PDE1C: variants seen among roughly 807,000 people sequenced by gnomAD.
PDE1C encodes phosphodiesterase 1C.
PDE1C carries 62 observed loss-of-function variants against 93.1 expected under a neutral mutation model. The observed-to-expected ratio is 0.67, with a 90% confidence interval of 0.54 to 0.82. The LOEUF is 0.82. Among genes scored for constraint, PDE1C ranks in the 40% least tolerant of loss-of-function variants. PDE1C has a pLI of 0.00. For synonymous variants in PDE1C, 325 were observed against 310.1 expected (o/e 1.05, Z -0.50); for missense variants, 742 against 884.6 (o/e 0.84, Z 2.04).
chr7:31,676,271 T>C, the PDE1C span, among the ~76,000 whole-genome samples: 1 of 151,984 alleles, frequency 6.6e-6, no homozygotes, highest in African/African-American at 2.4e-5. Flanking sequence ...ACATTTTCTT[T>C]ACAAGGACAC....
chr7:32,283,859 C>T (rs1429876988), intron 1 of PDE1C, among the ~76,000 whole-genome samples: 1 of 152,212 alleles, frequency 6.6e-6, no homozygotes, highest in Admixed American at 6.5e-5. Flanking sequence ...TACCGCAGAA[C>T]TCCAATGCCT....
chr7:31,831,125 G>T (rs1445999109), intron 11 of PDE1C, among the ~76,000 whole-genome samples: 1 of 152,158 alleles, frequency 6.6e-6, no homozygotes. Context: ...GCAAATGTTT[G>T]GGAATGCAAC....
chr7:32,241,165 T>A (rs770032066), intron 1 of PDE1C, among the ~76,000 whole-genome samples: 6 of 152,206 alleles, frequency 3.9e-5, no homozygotes, highest in Non-Finnish European at 5.9e-5. Flanking sequence ...ATTAGATACA[T>A]GAGCCTGGAG....
chr7:31,816,893 C>T (rs1169522458), intron 14 of PDE1C, among the ~76,000 whole-genome samples: 2 of 152,072 alleles, frequency 1.3e-5, no homozygotes, highest in Non-Finnish European at 2.9e-5. Flanking sequence ...TATTTCTAAT[C>T]CAGTTGATTA....
At chr7:32,365,690 G>A (rs1376945180) in intron 1 of PDE1C, among the ~76,000 whole-genome samples, 2 of 151,878 alleles carry the variant, frequency 1.3e-5, no homozygotes, top group South Asian at 2.1e-4. Context: ...CTGTAGCCCC[G>A]ACCCCAGCCT....
At chr7:31,723,738 T>C in the PDE1C span, among the ~76,000 whole-genome samples, 1 of 152,200 alleles carries the variant, frequency 6.6e-6, no homozygotes, top group South Asian at 2.1e-4. Flanking sequence ...TAAGAAATTA[T>C]TCATATCGGA....
At chr7:32,105,586 A>C (rs1798257944) in intron 3 of PDE1C, among the ~76,000 whole-genome samples, 1 of 152,144 alleles carries the variant, frequency 6.6e-6, no homozygotes, top group Non-Finnish European at 1.5e-5. Flanking sequence ...AGCTCCCAGA[A>C]TGTTGGCAGA....
chr7:32,348,801 A>T (rs1240640938), intron 1 of PDE1C, among the ~76,000 whole-genome samples: 1 of 152,106 alleles, frequency 6.6e-6, no homozygotes, highest in Non-Finnish European at 1.5e-5. Context: ...CTATTCCAGA[A>T]CTTTGCATGG....
At chr7:32,388,768 A>C (rs1355922837) in intron 1 of PDE1C, among the ~76,000 whole-genome samples, 1 of 151,230 alleles carries the variant, frequency 6.6e-6, no homozygotes, top group Non-Finnish European at 1.5e-5. Flanking sequence ...CTACAGTGTG[A>C]GCAAACAGTA....
At chr7:32,296,355 C>A (rs1317021338) in intron 1 of PDE1C, among the ~76,000 whole-genome samples, 1 of 152,236 alleles carries the variant, frequency 6.6e-6, no homozygotes, top group Non-Finnish European at 1.5e-5. Flanking sequence ...ATAAACTCCC[C>A]ATGATATTAG....
chr7:32,178,435 C>A (rs1195289058), intron 2 of PDE1C, among the ~76,000 whole-genome samples: 1 of 152,208 alleles, frequency 6.6e-6, no homozygotes, highest in Middle Eastern at 3.2e-3. Flanking sequence ...CTCCCCTTCT[C>A]TGATTTATTT....
At chr7:31,809,871 A>G (rs762971518) in intron 15 of PDE1C, among the ~76,000 whole-genome samples, 2 of 152,136 alleles carry the variant, frequency 1.3e-5, no homozygotes, top group Non-Finnish European at 2.9e-5. Context: ...TGAATCAAAT[A>G]GTAAGTAAAG....
At chr7:32,258,654 A>G (rs994292179) in intron 1 of PDE1C, among the ~76,000 whole-genome samples, 6 of 152,212 alleles carry the variant, frequency 3.9e-5, no homozygotes, top group African/African-American at 1.4e-4. Context: ...AGCCAGGCCA[A>G]TGAATGAAAA....
intron 1 of PDE1C, among the ~76,000 whole-genome samples, chr7:32,388,842 C>T (rs2116669): frequency 0.18 from 26,758 of 151,850 alleles, 3,490 homozygotes; most frequent in African/African-American, 0.37. Context: ...AGGGGGAAAC[C>T]GTCTAGAGAA....
At chr7:31,627,643 G>C in the PDE1C span, among the ~76,000 whole-genome samples, 3 of 100,648 alleles carry the variant, frequency 3.0e-5, no homozygotes, top group African/African-American at 1.2e-4. Flanking sequence ...CTGAGCAACA[G>C]AGCAAGACAC....
chr7:31,896,364 T>C (rs1193319103), intron 2 of PDE1C, among the ~76,000 whole-genome samples: 2 of 152,200 alleles, frequency 1.3e-5, no homozygotes, highest in East Asian at 3.8e-4. Context: ...CGTGAATTTA[T>C]TACCAGAAAT....
the PDE1C span, among the ~76,000 whole-genome samples, chr7:31,622,075 C>T: frequency 5.0e-5 from 7 of 140,300 alleles, no homozygotes; most frequent in Non-Finnish European, 9.3e-5. Flanking sequence ...TATATATGCA[C>T]CCAATACAGG....
intron 1 of PDE1C, among the ~76,000 whole-genome samples, chr7:32,321,701 G>A (rs901764304): frequency 6.6e-6 from 1 of 152,216 alleles, no homozygotes; most frequent in Non-Finnish European, 1.5e-5. Context: ...GCTTAATGCT[G>A]ATTTATTTTT....
chr7:32,324,930 C>T (rs988971723), intron 1 of PDE1C, among the ~76,000 whole-genome samples: 2 of 152,100 alleles, frequency 1.3e-5, no homozygotes, highest in Admixed American at 1.3e-4. Flanking sequence ...GCCTGGGTGA[C>T]AGAGGAAGGC....
Sources: allele counts gnomAD v4.1 joint callset (sites outside exome capture counted in the v4.1 genomes callset), GRCh38; gene constraint gnomAD v4.1.1; transcripts MANE v1.5; gene names NCBI Gene and HGNC (gene_info 2026-07-23, HGNC 2026-07-21).